Variants in CSPP1 observed in about 807,000 individuals in gnomAD.
CSPP1 encodes the protein centrosome and spindle pole-associated protein 1.
CSPP1 carries 126 observed loss-of-function variants against 164.4 expected under a neutral mutation model. The ratio of observed to expected loss-of-function variants is 0.77; its 90% CI spans 0.66 to 0.89. The LOEUF (loss-of-function observed/expected upper bound fraction) is 0.89, where lower values mean the gene tolerates loss of function less well. CSPP1 is among the 40% of genes least tolerant of loss of function. The pLI is 0.00. For missense variants in CSPP1, 1,395 were observed against 1,449.8 expected, an observed-to-expected ratio of 0.96 and a Z score of 0.61; for synonymous variants, 472 against 476.7, an observed-to-expected ratio of 0.99 and a Z score of 0.13.
chr8:67,095,945 T>C (rs1451543352), intron 7 of CSPP1, among the ~76,000 whole-genome samples: 1 of 152,040 alleles, frequency 6.6e-6, no homozygotes, highest in Non-Finnish European at 1.5e-5. Context: ...TGTTGTAAAG[T>C]TGGAAAACTG....
chr8:67,149,603 G>C (rs944730039), intron 17 of CSPP1, among the ~76,000 whole-genome samples, 180 bp from the exon 18 acceptor site: 1 of 151,976 alleles, frequency 6.6e-6, no homozygotes, highest in African/African-American at 2.4e-5. Context: ...ATTATTTTTT[G>C]AAAATCTTAA....
intron 3 of CSPP1, among the ~76,000 whole-genome samples, chr8:67,079,395 C>T (rs1443064887): frequency 6.6e-6 from 1 of 152,174 alleles, no homozygotes; most frequent in Non-Finnish European, 1.5e-5. Flanking sequence ...TCCTTGATTC[C>T]TGTCTTCTCC....
At chr8:67,158,723 T>TCCAAAGAATGTATATTG in intron 20 of CSPP1, 127 bp downstream of exon 20, 4 of 1,214,988 alleles carry the variant, frequency 3.3e-6, no homozygotes, top group Non-Finnish European at 3.3e-6. Flanking sequence ...CAGATCAATA[T>TCCAAAGAATGTATATTG]ACATTCTTTG....
rs749564493 is a variant in CSPP1, at chr8:67,158,564, G to C, written c.2359G>C (p.Glu787Gln). 3.7e-6 allele frequency: 6 copies of C among 1,607,950 alleles called. No individual in the cohort carries two copies. Among genetic ancestry groups the C allele is most frequent in the Non-Finnish European group, 5.1e-6 (6 of 1,176,994 alleles). Residue 787 changes from glutamate to glutamine, a missense_variant, in exon 20 of 31, where the codon GAA becomes CAA. By Grantham distance (29) the Glu-to-Gln change is conservative (BLOSUM62 2). Transcript: ENST00000678616. ...RARIQQEYEE[E>Q]QEKKREKEEE... ...ACGAATTCAGCAGGAGTATGAAGAG[G>C]AACAGGAAAAGAAAAGAGAGAAAGA... is the stretch of plus-strand genomic sequence containing the variant.
chr8:67,191,013 T>C (rs551530975), intron 29 of CSPP1, among the ~76,000 whole-genome samples: 11 of 152,184 alleles, frequency 7.2e-5, no homozygotes, highest in Non-Finnish European at 1.0e-4. Flanking sequence ...CAACCTTCCT[T>C]CTTCTCCTGC....
At chr8:67,130,359 A>G (rs532743415) in intron 15 of CSPP1, among the ~76,000 whole-genome samples, 1 of 152,230 alleles carries the variant, frequency 6.6e-6, no homozygotes, top group Non-Finnish European at 1.5e-5. Context: ...GGGAGGGATC[A>G]TGAGTGAAAT....
chr8:67,183,843 A>AT (rs918103972), intron 28 of CSPP1, among the ~76,000 whole-genome samples: 9,585 of 108,196 alleles, frequency 0.089, 847 homozygotes, highest in Non-Finnish European at 0.1. Context: ...AAAATTGGGA[A>AT]TTTTTTTTTT....
At chr8:67,176,764 CT>C (rs1324635237) in intron 26 of CSPP1, among the ~76,000 whole-genome samples, 12 of 152,236 alleles carry the variant, frequency 7.9e-5, no homozygotes, top group African/African-American at 2.6e-4. Flanking sequence ...CTATGAAGAC[CT>C]AATTCATAGG....
chr8:67,118,444 A>G (rs954050263), intron 14 of CSPP1, 75 bp downstream of exon 14: 20 of 1,440,040 alleles, frequency 1.4e-5, no homozygotes, highest in Middle Eastern at 1.7e-4. Context: ...TGTAAACAAA[A>G]AATATCTAAA....
chr8:67,146,112 A>G (rs1824491863), intron 17 of CSPP1, among the ~76,000 whole-genome samples: 1 of 149,508 alleles, frequency 6.7e-6, no homozygotes. Context: ...TTGTAAGAGA[A>G]TATACTTTTC....
intron 26 of CSPP1, among the ~76,000 whole-genome samples, chr8:67,176,527 G>A (rs1195032852): frequency 7.2e-5 from 11 of 152,164 alleles, no homozygotes; most frequent in Non-Finnish European, 4.4e-5. Context: ...TCTAGGATAA[G>A]CAGTAGGTAT....
At chr8:67,194,791 A>AAT (rs1837462695) in intron 30 of CSPP1, among the ~76,000 whole-genome samples, 1 of 152,292 alleles carries the variant, frequency 6.6e-6, no homozygotes, top group Admixed American at 6.5e-5. Context: ...AGTTGCGTAC[A>AAT]ATCAATCAGA....
At chr8:67,082,676 T>C (rs1809457591) in intron 3 of CSPP1, among the ~76,000 whole-genome samples, 1 of 152,222 alleles carries the variant, frequency 6.6e-6, no homozygotes, top group Non-Finnish European at 1.5e-5. Flanking sequence ...TGATGAATGC[T>C]CTGTTAGAAG....
intron 24 of CSPP1, among the ~76,000 whole-genome samples, chr8:67,169,344 C>A (rs1830057492): frequency 6.6e-6 from 1 of 152,224 alleles, no homozygotes; most frequent in Non-Finnish European, 1.5e-5. Flanking sequence ...AATCAGTTAA[C>A]TAGTTAGGTT....
chr8:67,128,476 T>A (rs557600526), intron 15 of CSPP1, among the ~76,000 whole-genome samples: 151 of 151,310 alleles, frequency 1.0e-3, no homozygotes, highest in African/African-American at 3.4e-3. Flanking sequence ...AAGGCAGAGG[T>A]TGCAGTGAGC....
At chr8:67,117,553 A>G (rs1400440899) in intron 13 of CSPP1, among the ~76,000 whole-genome samples, 5 of 152,228 alleles carry the variant, frequency 3.3e-5, no homozygotes, top group Admixed American at 1.3e-4. Context: ...GAAGTTTTAA[A>G]TTTATGAAAT....
At chr8:67,104,883 G>A (rs11988175) in intron 8 of CSPP1, among the ~76,000 whole-genome samples, 11 of 145,480 alleles carry the variant, frequency 7.6e-5, no homozygotes, top group African/African-American at 2.3e-4. Context: ...CAGGTAATTC[G>A]CCCGCCTTGG....
In CSPP1 at chr8:67,172,492, C is replaced by T; in HGVS notation, c.2905C>T (p.Pro969Ser). The change falls in exon 25 of 31, where the codon CCT (proline) becomes TCT (serine). Residue 969 changes from proline to serine, a missense_variant. By Grantham distance (74) the Pro-to-Ser change is moderately conservative (BLOSUM62 -1). Transcript: ENST00000678616. ...GCAAGCTCCTGTCAGAAGACAGTCC[C>T]CTAAGGGCTTAGACGCTGCCACTTT... ...RLQAPVRRQS[P>S]KGLDAATFQN... 1 of 1,613,528 alleles carries T rather than the reference C, an allele frequency of 6.2e-7. No homozygotes were observed. The highest frequency in any genetic ancestry group is 8.5e-7 in the Non-Finnish European group (1 of 1,179,510).
At position 67,177,709 on chromosome 8, in the gene CSPP1, G is replaced by C. The variant is rs755275549; in HGVS notation, c.3139G>C (p.Val1047Leu). Residue 1047 changes from valine (V) to leucine (L), a missense_variant, in exon 27 of 31, where the codon GTA becomes CTA. By Grantham distance (32) the Val-to-Leu change is conservative (BLOSUM62 1). Coordinates refer to ENST00000678616, the MANE Select transcript of CSPP1 (RefSeq NM_001382391.1). The stretch of plus-strand genomic sequence containing the variant: ...CTTAGATGCCATCCCAAGTGCTAAA[G>C]TACGAGAGCAAAGAATGGTAAGCAA... ...VDLDAIPSAKVREQRMPRDDT... is the reference protein window; with the variant it reads ...VDLDAIPSAKLREQRMPRDDT... 8 of 1,612,188 alleles carry C rather than the reference G, an allele frequency of 5.0e-6. No homozygotes were observed. The Admixed American group carries it at 1.3e-4, about 27-fold the overall frequency.
Sources: allele counts gnomAD v4.1 joint callset (sites outside exome capture counted in the v4.1 genomes callset), GRCh38; gene constraint gnomAD v4.1.1; transcripts MANE v1.5; gene names NCBI Gene and HGNC (gene_info 2026-07-23, HGNC 2026-07-21).